Variants in BAZ1A observed in about 807,000 individuals in gnomAD.
The protein encoded by BAZ1A is bromodomain adjacent to zinc finger domain 1A, also known as bromodomain adjacent to zinc finger domain protein 1A.
BAZ1A carries 50 observed loss-of-function variants against 185.2 expected under a neutral mutation model. The observed-to-expected ratio is 0.27, with a 90% CI of 0.22 to 0.34. The LOEUF (loss-of-function observed/expected upper bound fraction) is 0.34. Ranked by LOEUF, BAZ1A falls within the 10% of genes least tolerant of loss-of-function variation. The pLI is 1.00. For missense variants in BAZ1A, 1,356 were observed against 1,839.9 expected, an observed-to-expected ratio of 0.74 and a Z score of 4.81; for synonymous variants, 571 against 615.6, an observed-to-expected ratio of 0.93 and a Z score of 1.07.
At chr14:34,856,814 C>T (rs1409852105) in intron 3 of BAZ1A, among the ~76,000 whole-genome samples, 3 of 139,266 alleles carry the variant, frequency 2.2e-5, no homozygotes, top group Non-Finnish European at 4.6e-5. Context: ...GCCAAGATTG[C>T]GTCACTGCAC....
At chr14:34,835,292 C>A (rs2042311077) in intron 3 of BAZ1A, among the ~76,000 whole-genome samples, 1 of 151,928 alleles carries the variant, frequency 6.6e-6, no homozygotes, top group Admixed American at 6.5e-5. Flanking sequence ...AAACTCCTGA[C>A]CTCAAGTGAT....
rs1244239273 is a variant in BAZ1A at position 34,771,613 on chromosome 14, C to G, written c.3199G>C (p.Ala1067Pro). The G allele has an allele frequency of 1.2e-6, 2 of 1,614,088 alleles. No homozygotes were observed. Among genetic ancestry groups the G allele is most frequent in the African/African-American group, 1.3e-5 (1 of 75,016 alleles). Residue 1067 changes from alanine (A) to proline (P), a missense_variant, in exon 21 of 27, where the codon GCA becomes CCA. Ala to Pro is a conservative substitution (Grantham distance 27, BLOSUM62 -1). This residue lies in a region of BAZ1A where 434 missense variants were observed against 561.7 expected (regional missense o/e 0.77). Transcript: ENST00000360310. ...TETPSTVSTN[A>P]STPQSVSSVV... ...CTGCTCACTGATTGTGGTGTACTTG[C>G]ATTTGTTGATACAGTACTTGGAGTT...
At chr14:34,787,684 A>G (rs1566562043) in intron 12 of BAZ1A, among the ~76,000 whole-genome samples, 1 of 152,176 alleles carries the variant, frequency 6.6e-6, no homozygotes, top group Non-Finnish European at 1.5e-5. Flanking sequence ...CTCCGTCTCA[A>G]AAAAACAAAA....
chr14:34,874,619 C>A lies in BAZ1A; in HGVS notation c.-15G>T. 1.2e-6 allele frequency: 2 copies of A among 1,601,230 alleles called. No individual in the cohort carries two copies. Among genetic ancestry groups the A allele is most frequent in the South Asian group, 1.1e-5 (1 of 90,526 alleles). On this transcript the variant is annotated 5_prime_UTR_variant, in exon 2 of 27. Coordinates refer to ENST00000360310, the MANE Select transcript of BAZ1A (RefSeq NM_013448.3). This position sits in a 1 kb window ranked among gnomAD's most constrained non-coding sequence, Gnocchi z 4.7. ...AGCAGCGGCATCTCCCGTCCGCCCG[C>A]GGGCTCGCCTGGACCCTCGGCCGCC...
chr14:34,862,065 A>T lies in BAZ1A; in HGVS notation c.371T>A (p.Val124Asp). The T allele has an allele frequency of 6.2e-7, 1 of 1,614,174 alleles. No individual in the cohort carries two copies. The highest frequency in any genetic ancestry group is 8.5e-7 in the Non-Finnish European group (1 of 1,179,998). The stretch of plus-strand genomic sequence containing the variant: ...TTACCTTGCACCATTGTTCCTAATG[A>T]CTTCCACAGTTTCTTCGACAAAATA... ...DRYFVEETVE[V>D]IRNNGARLQC... Residue 124 changes from valine (V) to aspartate (D), a missense_variant, in exon 3 of 27, where the codon GTC becomes GAC. Val to Asp is a radical substitution (Grantham distance 152). Transcript: ENST00000360310.
Position 34,774,466 on chromosome 14 carries a change from G to C in BAZ1A, c.2858C>G (p.Pro953Arg). 6.2e-7 allele frequency: 1 copy of C among 1,602,048 alleles called. No homozygotes were observed. The highest frequency in any genetic ancestry group is 8.5e-7 in the Non-Finnish European group (1 of 1,175,160). ...FSDKPQPDSK[P>R]TYSRGRSSNA... ...GGAAGATCTTCCCCGACTATATGTT[G>C]GTTTGCTATCAGGCTGAGGTTTGTC... The change falls in exon 19 of 27, where the codon CCA becomes CGA. Residue 953 changes from proline (P) to arginine (R), a missense_variant. Coordinates refer to ENST00000360310, the MANE Select transcript of BAZ1A (RefSeq NM_013448.3).
At chr14:34,799,929 C>T (rs1461851725) in intron 9 of BAZ1A, among the ~76,000 whole-genome samples, 2 of 151,982 alleles carry the variant, frequency 1.3e-5, no homozygotes, top group African/African-American at 2.4e-5. Context: ...TTTCAAACTG[C>T]GTATTTTACC....
chr14:34,791,017 G>A (rs891359031), intron 12 of BAZ1A, among the ~76,000 whole-genome samples: 1 of 152,070 alleles, frequency 6.6e-6, no homozygotes, highest in Admixed American at 6.5e-5. Flanking sequence ...AGCTACTCAG[G>A]AGGCTGAGAC....
chr14:34,862,981 ACT>A (rs1209215561), intron 2 of BAZ1A, among the ~76,000 whole-genome samples: 5 of 121,100 alleles, frequency 4.1e-5, no homozygotes, highest in South Asian at 5.5e-4. Flanking sequence ...AACTCTATCC[ACT>A]CTCTCTTTTT....
At chr14:34,803,187 T>C (rs1881663877) in intron 6 of BAZ1A, among the ~76,000 whole-genome samples, 199 bp from the exon 7 acceptor site, 2 of 152,130 alleles carry the variant, frequency 1.3e-5, no homozygotes, top group Admixed American at 6.6e-5. Flanking sequence ...GAGACCATCC[T>C]GCCCAATATG....
At chr14:34,859,055 G>A (rs571514964) in intron 3 of BAZ1A, among the ~76,000 whole-genome samples, 11 of 152,266 alleles carry the variant, frequency 7.2e-5, no homozygotes, top group Non-Finnish European at 1.5e-4. Flanking sequence ...TATGACTACT[G>A]TATAGCAGCA....
At chr14:34,753,764 A>C in intron 26 of BAZ1A, 60 bp from the exon 27 acceptor site, 1 of 1,300,254 alleles carries the variant, frequency 7.7e-7, no homozygotes. Context: ...AATAAATATA[A>C]TTCTTGTATC....
chr14:34,872,452 G>C (rs1402780618), intron 2 of BAZ1A, among the ~76,000 whole-genome samples: 1 of 152,046 alleles, frequency 6.6e-6, no homozygotes, highest in Non-Finnish European at 1.5e-5. Context: ...AAATTAGCCA[G>C]AGTGGTGGCA....
intron 4 of BAZ1A, among the ~76,000 whole-genome samples, chr14:34,814,120 T>G (rs2138684759): frequency 6.6e-6 from 1 of 151,702 alleles, no homozygotes; most frequent in South Asian, 2.1e-4. Flanking sequence ...TTAGCAGCAG[T>G]TTAAGAACAA....
chr14:34,853,952 A>G (rs938336521), intron 3 of BAZ1A, among the ~76,000 whole-genome samples: 2 of 152,258 alleles, frequency 1.3e-5, no homozygotes, highest in African/African-American at 4.8e-5. Context: ...CTAGGAGATA[A>G]GTGATGTTAA....
At chr14:34,765,397 AC>A in intron 21 of BAZ1A, 129 bp from the exon 22 acceptor site, 1 of 1,190,150 alleles carries the variant, frequency 8.4e-7, no homozygotes, top group Non-Finnish European at 1.1e-6. Flanking sequence ...TAACAAAAAG[AC>A]CATGCTGATA....
At chr14:34,816,080 C>CTTTTTTTTTTTT (rs35830800) in intron 4 of BAZ1A, among the ~76,000 whole-genome samples, 1 of 79,426 alleles carries the variant, frequency 1.3e-5, no homozygotes, top group Non-Finnish European at 2.1e-5. Context: ...TATTCCAGAC[C>CTTTTTTTTTTTT]TTTTTTTTTT....
intron 2 of BAZ1A, among the ~76,000 whole-genome samples, chr14:34,866,153 A>G (rs562358939): frequency 3.5e-4 from 53 of 152,224 alleles, no homozygotes; most frequent in African/African-American, 1.3e-3. Flanking sequence ...ACACCACTGC[A>G]CTCCAGCCTG....
intron 24 of BAZ1A, among the ~76,000 whole-genome samples, chr14:34,760,678 C>A (rs1006595555): frequency 3.3e-5 from 5 of 151,874 alleles, no homozygotes; most frequent in African/African-American, 1.2e-4. Flanking sequence ...CTTGGCAAGA[C>A]CCCATCTCTA....
Sources: allele counts gnomAD v4.1 joint callset (sites outside exome capture counted in the v4.1 genomes callset), GRCh38; gene constraint gnomAD v4.1.1; regional missense constraint gnomAD v4.1.1; non-coding constraint Gnocchi (gnomAD v3.1); transcripts MANE v1.5; gene names NCBI Gene and HGNC (gene_info 2026-07-23, HGNC 2026-07-21).